Variants in C2orf76 observed in about 807,000 individuals in gnomAD.
C2orf76 encodes the protein UPF0538 protein C2orf76.
A neutral mutation model predicts 16.9 loss-of-function variants in C2orf76; 23 were observed. That is an observed-to-expected ratio of 1.36 (90% confidence interval 0.98 to 1.93). C2orf76 has a LOEUF of 1.93. C2orf76 is among the 30% of genes most tolerant of loss of function. The pLI is 0.00. For synonymous variants in C2orf76, 48 were observed against 52.3 expected (o/e 0.92, Z 0.35); for missense variants, 152 against 152.6 (o/e 1.00, Z 0.02).
downstream of C2orf76, among the ~76,000 whole-genome samples, chr2:119,301,445 C>T (rs1678620244): frequency 6.6e-6 from 1 of 152,192 alleles, no homozygotes; most frequent in Non-Finnish European, 1.5e-5. Flanking sequence ...AATTTGCCCT[C>T]CTGGCAACTC....
downstream of C2orf76, among the ~76,000 whole-genome samples, chr2:119,298,208 T>A (rs1678568816): frequency 6.6e-6 from 1 of 152,212 alleles, no homozygotes; most frequent in Non-Finnish European, 1.5e-5. Flanking sequence ...AGGTCACAAA[T>A]ATAATCCATT....
the C2orf76 span, among the ~76,000 whole-genome samples, chr2:119,290,067 T>C: frequency 5.4e-4 from 82 of 151,898 alleles, no homozygotes; most frequent in Non-Finnish European, 7.8e-4. Flanking sequence ...AGAGGGACAT[T>C]CCCTCTGCAA....
At chr2:119,365,857 C>T (rs188875179) in intron 1 of C2orf76, among the ~76,000 whole-genome samples, 1 of 152,120 alleles carries the variant, frequency 6.6e-6, no homozygotes, top group Non-Finnish European at 1.5e-5. Context: ...CTTTTCAAAC[C>T]CTTTTACGAT....
At chr2:119,288,898 C>T in the C2orf76 span, among the ~76,000 whole-genome samples, 51 of 152,164 alleles carry the variant, frequency 3.4e-4, no homozygotes, top group African/African-American at 1.1e-3. Context: ...GTCACTCCAG[C>T]CCCCAGCCTC....
chr2:119,342,119 T>G (rs752300903), intron 1 of C2orf76, among the ~76,000 whole-genome samples: 7 of 152,112 alleles, frequency 4.6e-5, no homozygotes, highest in Non-Finnish European at 1.0e-4. Flanking sequence ...AACAGCAGAA[T>G]TGATAAGTAA....
chr2:119,292,502 AAAAC>A, the C2orf76 span, among the ~76,000 whole-genome samples: 6 of 152,304 alleles, frequency 3.9e-5, no homozygotes, highest in Admixed American at 2.0e-4. Context: ...CAGACCGACA[AAAAC>A]AAACTAACTT....
chr2:119,361,134 G>A (rs2104653541), intron 1 of C2orf76, among the ~76,000 whole-genome samples: 1 of 152,298 alleles, frequency 6.6e-6, no homozygotes, highest in Admixed American at 6.5e-5. Context: ...AACTAGGTAA[G>A]ATGTACAAGA....
downstream of C2orf76, among the ~76,000 whole-genome samples, chr2:119,298,717 CATCTA>C (rs1164161536): frequency 7.9e-5 from 12 of 152,142 alleles, no homozygotes; most frequent in African/African-American, 2.9e-4. Context: ...CTTTTATACT[CATCTA>C]ATAACACTAT....
At chr2:119,308,399 G>T (rs890931351) in intron 5 of C2orf76, among the ~76,000 whole-genome samples, 3 of 152,242 alleles carry the variant, frequency 2.0e-5, no homozygotes, top group Admixed American at 2.0e-4. Flanking sequence ...CCAGCACTTT[G>T]GGAGGCCAAG....
At chr2:119,316,390 C>A (rs538759276) in intron 4 of C2orf76, among the ~76,000 whole-genome samples, 5 of 152,298 alleles carry the variant, frequency 3.3e-5, no homozygotes, top group South Asian at 2.1e-4. Flanking sequence ...AGGAACCAAG[C>A]CTACTAAACC....
chr2:119,343,902 T>C (rs1385140300), intron 1 of C2orf76, among the ~76,000 whole-genome samples: 1 of 152,220 alleles, frequency 6.6e-6, no homozygotes, highest in African/African-American at 2.4e-5. Context: ...TATTATTCTA[T>C]TTGGATTAAA....
chr2:119,286,762 GGA>G, the C2orf76 span, among the ~76,000 whole-genome samples: 4 of 152,178 alleles, frequency 2.6e-5, no homozygotes, highest in South Asian at 8.3e-4. Context: ...ACACCAGACG[GGA>G]GAGTGTCTCT....
At chr2:119,285,956 AG>A in the C2orf76 span, among the ~76,000 whole-genome samples, 10 of 152,184 alleles carry the variant, frequency 6.6e-5, no homozygotes, top group African/African-American at 2.4e-4. Context: ...GGCCAGGCAC[AG>A]TGGCTCACGC....
chr2:119,303,887 T>G (rs1678692185), intron 5 of C2orf76, among the ~76,000 whole-genome samples: 1 of 152,066 alleles, frequency 6.6e-6, no homozygotes, highest in Non-Finnish European at 1.5e-5. Flanking sequence ...AAGGAGCCTG[T>G]GGGGGATACA....
rs187478893 is a variant in C2orf76, at chr2:119,321,520, T to C, written c.134-316A>G. Among the ~76,000 whole-genome samples the C allele has an allele frequency of 5.6e-4, 86 of 152,266 alleles. 1 individual carries two copies. Among genetic ancestry groups the C allele is most frequent in the Middle Eastern group, 3.4e-3 (1 of 294 alleles). ...GGCGCCAGGCAAGAGGGTCTGTGCA[T>C]GGGAACTGCCCTTTATAAAACCATC... On this transcript the variant is annotated intron_variant, in intron 2 of 5. Transcript: ENST00000334816.
intron 5 of C2orf76, among the ~76,000 whole-genome samples, chr2:119,310,573 A>G (rs536380713): frequency 2.4e-4 from 36 of 152,336 alleles, no homozygotes; most frequent in African/African-American, 8.2e-4. Flanking sequence ...CAGGCTCCCA[A>G]TGTGCACCTC....
At position 119,345,778 on chromosome 2, in the gene C2orf76, T is replaced by C. The variant is rs187272441; in HGVS notation, c.-12-5807A>G. 4.0e-3 allele frequency among the ~76,000 whole-genome samples: 614 copies of C among 151,806 alleles called. 7 individuals carry two copies. Among genetic ancestry groups the C allele is most frequent in the Middle Eastern group, 0.014 (4 of 294 alleles). On this transcript the variant is annotated intron_variant, in intron 1 of 5. Transcript: ENST00000334816. ...TAAAAAGTACTAAAAGAATAAAATT[T>C]TGGCCAGGTGCGGTGGCTCACGCCT...
At chr2:119,301,076 A>AAAACAC (rs373214957), downstream of C2orf76, among the ~76,000 whole-genome samples, 4 of 146,140 alleles carry the variant, frequency 2.7e-5, no homozygotes, top group African/African-American at 7.5e-5. Context: ...ACTTCTTAAA[A>AAAACAC]ACACACACAC....
At chr2:119,323,119 C>T (rs1023031171) in intron 2 of C2orf76, among the ~76,000 whole-genome samples, 1 of 151,888 alleles carries the variant, frequency 6.6e-6, no homozygotes, top group African/African-American at 2.4e-5. Flanking sequence ...TGGGCCCAAG[C>T]GATCCTCCCA....
Sources: gnomAD v4.1 joint callset for allele counts (sites outside exome capture counted in the v4.1 genomes callset) on GRCh38, gnomAD v4.1.1 for gene constraint, MANE v1.5 for transcripts, NCBI Gene and HGNC (gene_info 2026-07-23, HGNC 2026-07-21) for gene names.